Variants in CSTPP1 observed in about 807,000 individuals in gnomAD.
CSTPP1 encodes the protein UPF0705 protein C11orf49.
At chr11:47,054,300 T>G in the CSTPP1 span, among the ~76,000 whole-genome samples, 3 of 115,650 alleles carry the variant, frequency 2.6e-5, no homozygotes, top group East Asian at 5.6e-4. Flanking sequence ...GACAGAGCAA[T>G]ACTCCGTCTC....
the CSTPP1 span, among the ~76,000 whole-genome samples, chr11:47,084,904 G>A: frequency 2.6e-5 from 4 of 151,986 alleles, no homozygotes; most frequent in Admixed American, 2.0e-4. Flanking sequence ...ATTAAGAATC[G>A]CCGGGTGCGA....
the CSTPP1 span, among the ~76,000 whole-genome samples, chr11:47,141,946 A>AC: frequency 6.7e-6 from 1 of 150,046 alleles, no homozygotes. Context: ...AAAAAAAAAA[A>AC]AAAAAAAAAA....
At chr11:47,037,639 C>A in the CSTPP1 span, among the ~76,000 whole-genome samples, 2 of 120,392 alleles carry the variant, frequency 1.7e-5, 1 homozygote, top group Admixed American at 1.8e-4. Context: ...ACATCTTGCA[C>A]CGCCCTTAAT....
chr11:47,106,661 A>T, the CSTPP1 span, among the ~76,000 whole-genome samples: 1 of 151,852 alleles, frequency 6.6e-6, no homozygotes, highest in Non-Finnish European at 1.5e-5. Flanking sequence ...AAAAGAAAAG[A>T]AAAGAACATG....
At chr11:47,098,699 A>G in the CSTPP1 span, among the ~76,000 whole-genome samples, 1 of 151,814 alleles carries the variant, frequency 6.6e-6, no homozygotes, top group Non-Finnish European at 1.5e-5. Flanking sequence ...ATGAGGTTTC[A>G]CCATATTGGC....
the CSTPP1 span, among the ~76,000 whole-genome samples, chr11:47,031,899 C>CT: frequency 6.6e-6 from 1 of 152,092 alleles, no homozygotes; most frequent in African/African-American, 2.4e-5. Flanking sequence ...AGCCAGTAAA[C>CT]TGAAGAACTT....
At chr11:47,126,128 T>C in the CSTPP1 span, among the ~76,000 whole-genome samples, 1 of 152,350 alleles carries the variant, frequency 6.6e-6, no homozygotes, top group East Asian at 1.9e-4. Flanking sequence ...TTATAATGGC[T>C]TTAACTGTTT....
At chr11:47,025,637 G>A in the CSTPP1 span, among the ~76,000 whole-genome samples, 3 of 151,974 alleles carry the variant, frequency 2.0e-5, no homozygotes, top group Admixed American at 6.6e-5. Flanking sequence ...CTGAGGAAGG[G>A]GTTTGTAACA....
the CSTPP1 span, among the ~76,000 whole-genome samples, chr11:47,082,689 C>A: frequency 6.6e-6 from 1 of 151,948 alleles, no homozygotes; most frequent in Non-Finnish European, 1.5e-5. Flanking sequence ...AAGAAAAATA[C>A]CCCGTACACA....
chr11:47,134,962 C>T, the CSTPP1 span, among the ~76,000 whole-genome samples: 1 of 151,780 alleles, frequency 6.6e-6, no homozygotes, highest in Non-Finnish European at 1.5e-5. Flanking sequence ...TTTTTAAATG[C>T]GCAGGGTGTG....
At chr11:47,098,775 A>G in the CSTPP1 span, among the ~76,000 whole-genome samples, 1 of 152,080 alleles carries the variant, frequency 6.6e-6, no homozygotes, top group African/African-American at 2.4e-5. Flanking sequence ...TTCATTTTAA[A>G]CAATTTTCCA....
the CSTPP1 span, among the ~76,000 whole-genome samples, chr11:47,121,269 T>C: frequency 6.6e-6 from 1 of 152,240 alleles, no homozygotes; most frequent in African/African-American, 2.4e-5. Context: ...GCTTAGAAAC[T>C]AGTGGCCAAG....
the CSTPP1 span, among the ~76,000 whole-genome samples, chr11:47,148,920 G>A: frequency 6.6e-6 from 1 of 152,198 alleles, no homozygotes; most frequent in African/African-American, 2.4e-5. Flanking sequence ...GGTGCAGCCC[G>A]TGCCACTAGA....
chr11:46,990,008 T>C, the CSTPP1 span, among the ~76,000 whole-genome samples: 3 of 152,228 alleles, frequency 2.0e-5, no homozygotes, highest in Non-Finnish European at 4.4e-5. Context: ...TAGTACTCCA[T>C]GGTATATATG....
chr11:47,035,724 A>C, the CSTPP1 span, among the ~76,000 whole-genome samples: 1 of 152,162 alleles, frequency 6.6e-6, no homozygotes, highest in Admixed American at 6.5e-5. Flanking sequence ...GTAAATGATA[A>C]AATGGACTAG....
At chr11:47,087,956 A>C in the CSTPP1 span, among the ~76,000 whole-genome samples, 1 of 152,098 alleles carries the variant, frequency 6.6e-6, no homozygotes, top group Non-Finnish European at 1.5e-5. Flanking sequence ...GCCTGCTTCT[A>C]AGCTCAGTCA....
chr11:47,071,451 C>T, the CSTPP1 span, among the ~76,000 whole-genome samples: 1 of 152,196 alleles, frequency 6.6e-6, no homozygotes, highest in Non-Finnish European at 1.5e-5. Context: ...CGACTGGAGC[C>T]TTCAGTAATC....
chr11:47,163,997 C>T, the CSTPP1 span: 49 of 1,400,706 alleles, frequency 3.5e-5, no homozygotes, highest in Middle Eastern at 1.9e-4. Context: ...AGCCTACTGC[C>T]GTGACAAGGG....
At chr11:47,044,983 A>G in the CSTPP1 span, among the ~76,000 whole-genome samples, 1 of 152,234 alleles carries the variant, frequency 6.6e-6, no homozygotes, top group Non-Finnish European at 1.5e-5. Flanking sequence ...ACTGAGCAAG[A>G]TAAATAAAAA....
Sources: allele counts gnomAD v4.1 joint callset (sites outside exome capture counted in the v4.1 genomes callset), GRCh38; gene constraint gnomAD v4.1.1; transcripts MANE v1.5; gene names NCBI Gene and HGNC (gene_info 2026-07-23, HGNC 2026-07-21).